Variants in SRPRA observed in about 807,000 individuals in gnomAD.
SRPRA encodes signal recognition particle receptor subunit alpha.
Under a neutral mutation model 61.1 loss-of-function variants are expected in SRPRA, and 30 were observed. The ratio of observed to expected loss-of-function variants is 0.49; its 90% CI spans 0.37 to 0.67. SRPRA has a LOEUF of 0.67. SRPRA is among the 30% of genes least tolerant of loss of function. SRPRA has a pLI of 0.00. For missense variants in SRPRA, 759 were observed against 828.4 expected (o/e 0.92, Z 1.03); for synonymous variants, 324 against 299.7 (o/e 1.08, Z -0.84).
the SRPRA span, among the ~76,000 whole-genome samples, chr11:126,240,225 G>A: frequency 2.0e-5 from 3 of 151,156 alleles, no homozygotes; most frequent in African/African-American, 7.3e-5. Flanking sequence ...TCTTTATTTA[G>A]GTATGTAGGG....
Position 126,265,825 on chromosome 11 carries a change from T to C in SRPRA, c.1052-2A>G. On this transcript the variant is annotated splice_acceptor_variant, in intron 8 of 13. Coordinates refer to ENST00000332118, the MANE Select transcript of SRPRA (RefSeq NM_003139.4). LOFTEE classifies it high-confidence loss of function. The surrounding 1 kb of genome is among the most constrained non-coding windows in gnomAD (Gnocchi z 6.3). ...CAATGTCTGCAGCCACGTTCTTAGCTGAGGAGAGGGGGACAGGTATGTCAG... is the reference window on the plus strand; with the variant it reads ...CAATGTCTGCAGCCACGTTCTTAGCCGAGGAGAGGGGGACAGGTATGTCAG... 6.2e-7 allele frequency: 1 copy of C among 1,614,218 alleles called. No homozygotes were observed. The highest frequency in any genetic ancestry group is 8.5e-7 in the Non-Finnish European group (1 of 1,180,038).
chr11:126,250,571 G>A, the SRPRA span: 7 of 1,613,982 alleles, frequency 4.3e-6, no homozygotes, highest in Non-Finnish European at 5.9e-6. This position sits in a 1 kb window ranked among gnomAD's most constrained non-coding sequence, Gnocchi z 5.1. Context: ...ATGACTTGGA[G>A]TCAAAGATGG....
Position 126,266,191 on chromosome 11 carries a change from G to A in SRPRA, c.928C>T (p.Pro310Ser), listed in dbSNP as rs1194871678. The A allele has an allele frequency of 1.2e-6, 2 of 1,614,046 alleles. No homozygotes were observed. Among genetic ancestry groups the A allele is most frequent in the Admixed American group, 1.7e-5 (1 of 60,018 alleles). The change falls in exon 7 of 14, where the codon CCT becomes TCT. Residue 310 changes from proline to serine, a missense_variant. Physicochemically the swap from Pro to Ser is moderately conservative, Grantham distance 74 (BLOSUM62 -1). Transcript: ENST00000332118. Reference sequence around the variant, plus strand: ...CCCCACCTGAAATTCCCCTACCTAGGTTTGGTAGAGTTTTGAGCAGCCCCT... The same window carrying A: ...CCCCACCTGAAATTCCCCTACCTAGATTTGGTAGAGTTTTGAGCAGCCCCT... ...DEGAAQNSTK[P>S]SATKGTLGGM...
chr11:126,248,963 G>C, the SRPRA span, among the ~76,000 whole-genome samples: 1 of 152,318 alleles, frequency 6.6e-6, no homozygotes, highest in East Asian at 1.9e-4. Flanking sequence ...TGTCTTTTCA[G>C]TTGTAAAGCC....
In SRPRA at chr11:126,267,666, A is replaced by G. The variant is rs750966840; in HGVS notation, c.248T>C (p.Ile83Thr). ...CCGAAACAGCCGATGCACGTCATCT[A>G]TCAATTTGTCTACATATGTCAGTGT... ...ILTLTYVDKL[I>T]DDVHRLFRDK... The change falls in exon 3 of 14, where the codon ATA (isoleucine) becomes ACA (threonine). Residue 83 changes from isoleucine (I) to threonine (T), a missense_variant. Ile to Thr is a moderately conservative substitution (Grantham distance 89, BLOSUM62 -1). Coordinates refer to ENST00000332118, the MANE Select transcript of SRPRA (RefSeq NM_003139.4). This position sits in a 1 kb window ranked among gnomAD's most constrained non-coding sequence, Gnocchi z 4.2. 4 of 1,614,152 alleles carry G rather than the reference A, an allele frequency of 2.5e-6. No individual in the cohort carries two copies. Among genetic ancestry groups the G allele is most frequent in the Non-Finnish European group, 2.5e-6 (3 of 1,180,044 alleles).
chr11:126,258,647 C>T (rs1950619550), downstream of SRPRA, among the ~76,000 whole-genome samples: 1 of 152,230 alleles, frequency 6.6e-6, no homozygotes, highest in African/African-American at 2.4e-5. Context: ...GTGTTCTAGA[C>T]TCTCCTGCTG....
the SRPRA span, among the ~76,000 whole-genome samples, chr11:126,253,964 C>T: frequency 6.6e-6 from 1 of 152,210 alleles, no homozygotes; most frequent in African/African-American, 2.4e-5. The surrounding 1 kb of genome is among the most constrained non-coding windows in gnomAD (Gnocchi z 5.1). Context: ...GGCCTGGATA[C>T]AGAGGCTTGA....
At chr11:126,258,650 TC>T (rs2135219632), downstream of SRPRA, among the ~76,000 whole-genome samples, 1 of 152,370 alleles carries the variant, frequency 6.6e-6, no homozygotes, top group African/African-American at 2.4e-5. Flanking sequence ...TTCTAGACTC[TC>T]CTGCTGTTGT....
At chr11:126,254,743 T>C in the SRPRA span, among the ~76,000 whole-genome samples, 90 of 152,240 alleles carry the variant, frequency 5.9e-4, no homozygotes, top group African/African-American at 2.1e-3. Flanking sequence ...GGAAGATTAG[T>C]TGAGACTAGG....
chr11:126,245,648 C>G, the SRPRA span, among the ~76,000 whole-genome samples: 1 of 150,662 alleles, frequency 6.6e-6, no homozygotes. Flanking sequence ...CAGCTATGAT[C>G]ATGTCATTGT....
the SRPRA span, among the ~76,000 whole-genome samples, chr11:126,250,092 A>ATT: frequency 2.3e-5 from 3 of 131,844 alleles, no homozygotes; most frequent in Non-Finnish European, 3.3e-5. This position sits in a 1 kb window ranked among gnomAD's most constrained non-coding sequence, Gnocchi z 5.1. Context: ...TATCCCCGGG[A>ATT]TTTTTTTTTT....
At chr11:126,262,043 C>G (rs113044475), downstream of SRPRA, 653 of 1,437,726 alleles carry the variant, frequency 4.5e-4, 2 homozygotes, top group African/African-American at 8.2e-3. Context: ...TTAGGATTGA[C>G]TTAAGTATCT....
rs115509849 is a variant in SRPRA at position 126,264,996 on chromosome 11, C to T, written c.1488G>A (p.Lys496=). The part of the protein sequence containing the change: ...MVQLFEKGYG[K]DAAGIAMEAI... ...CTTCCATGGCAATGCCAGCAGCATCCTTGCCATAGCCCTTTTCAAACAACT... is the reference window on the plus strand; with the variant it reads ...CTTCCATGGCAATGCCAGCAGCATCTTTGCCATAGCCCTTTTCAAACAACT... The change falls in exon 11 of 14, where the codon AAG becomes AAA. Residue 496 remains lysine (K), a synonymous_variant. Coordinates refer to ENST00000332118, the MANE Select transcript of SRPRA (RefSeq NM_003139.4). This position sits in a 1 kb window ranked among gnomAD's most constrained non-coding sequence, Gnocchi z 5.0. 1.7e-4 allele frequency: 268 copies of T among 1,614,162 alleles called. No individual in the cohort carries two copies. In the African/African-American group the frequency reaches 3.3e-3, roughly 20 times the overall value.
the SRPRA span, among the ~76,000 whole-genome samples, chr11:126,248,919 C>T: frequency 6.6e-6 from 1 of 152,196 alleles, no homozygotes. Context: ...AGTTACTTTC[C>T]CATTTCAAAT....
chr11:126,238,972 CTTTT>C, the SRPRA span, among the ~76,000 whole-genome samples: 1 of 129,876 alleles, frequency 7.7e-6, no homozygotes. Context: ...AAGTGGAAGT[CTTTT>C]TTTTTTTTTT....
At chr11:126,260,376 G>A (rs996144434), downstream of SRPRA, 1 of 145,442 alleles carries the variant, frequency 6.9e-6, no homozygotes, top group African/African-American at 2.6e-5. Flanking sequence ...TTTTTTCATA[G>A]TTGTAAACAA....
the SRPRA span, among the ~76,000 whole-genome samples, chr11:126,253,159 C>G: frequency 1.3e-5 from 2 of 152,184 alleles, no homozygotes; most frequent in Admixed American, 1.3e-4. This position sits in a 1 kb window ranked among gnomAD's most constrained non-coding sequence, Gnocchi z 5.1. Context: ...CTTTTAAAAG[C>G]TGAGGATATC....
In SRPRA at chr11:126,266,198, A is replaced by G. The variant is rs1950806345; in HGVS notation, c.921T>C (p.Ser307=). The change falls in exon 7 of 14, where the codon TCT becomes TCC. Residue 307 remains serine (S), a synonymous_variant. Transcript: ENST00000332118. The part of the protein sequence containing the change: ...SSDDEGAAQN[S]TKPSATKGTL... ...TGAAATTCCCCTACCTAGGTTTGGTAGAGTTTTGAGCAGCCCCTTCGTCAT... is the reference window on the plus strand; with the variant it reads ...TGAAATTCCCCTACCTAGGTTTGGTGGAGTTTTGAGCAGCCCCTTCGTCAT... 1 of 1,613,978 alleles carries G rather than the reference A, an allele frequency of 6.2e-7. No homozygotes were observed. Among genetic ancestry groups the G allele is most frequent in the Non-Finnish European group, 8.5e-7 (1 of 1,179,986 alleles).
At chr11:126,248,795 C>T in the SRPRA span, among the ~76,000 whole-genome samples, 1 of 152,220 alleles carries the variant, frequency 6.6e-6, no homozygotes, top group Non-Finnish European at 1.5e-5. Context: ...CGCCTCCCAA[C>T]ACAGTTCCGT....
Sources: allele counts gnomAD v4.1 joint callset (sites outside exome capture counted in the v4.1 genomes callset), GRCh38; gene constraint gnomAD v4.1.1; non-coding constraint Gnocchi (gnomAD v3.1); transcripts MANE v1.5; gene names NCBI Gene and HGNC (gene_info 2026-07-23, HGNC 2026-07-21).